Variants in G2E3 observed in about 807,000 individuals in gnomAD.
The protein encoded by G2E3 is G2/M-phase specific E3 ubiquitin protein ligase, also known as G2/M phase-specific E3 ubiquitin-protein ligase.
In G2E3, 35 loss-of-function variants were observed where a neutral mutation model predicts 92.8. That is an observed-to-expected ratio of 0.38 (90% CI 0.29 to 0.50). The LOEUF is 0.50. G2E3 is among the 20% of genes least tolerant of loss of function. The probability of loss-of-function intolerance (pLI) is 0.94; values close to 1 mark genes in which losing one functional copy is unlikely to be tolerated. For synonymous variants in G2E3, 242 were observed against 272.4 expected (o/e 0.89, Z 1.10); for missense variants, 554 against 823.8 (o/e 0.67, Z 4.01).
At chr14:30,559,482 C>T (rs1160950202) in intron 1 of G2E3, 3 of 152,196 alleles carry the variant, frequency 2.0e-5, no homozygotes, top group Non-Finnish European at 4.4e-5. Context: ...GTTGCGCACG[C>T]CAGCCAGCTC....
chr14:30,579,685 A>G (rs1026816437), intron 1 of G2E3, among the ~76,000 whole-genome samples: 4 of 152,200 alleles, frequency 2.6e-5, no homozygotes, highest in African/African-American at 9.7e-5. Context: ...TTTCACATGA[A>G]GTACCATGGT....
intron 1 of G2E3, among the ~76,000 whole-genome samples, chr14:30,562,499 C>G (rs1442809334): frequency 6.6e-6 from 1 of 152,176 alleles, no homozygotes; most frequent in Non-Finnish European, 1.5e-5. Flanking sequence ...GCGGTAACAC[C>G]AGCGTCTGGG....
chr14:30,568,600 T>C (rs942118508), intron 1 of G2E3, among the ~76,000 whole-genome samples: 1 of 152,154 alleles, frequency 6.6e-6, no homozygotes, highest in African/African-American at 2.4e-5. Context: ...GGGATTACAA[T>C]TAATATCTTA....
In G2E3 at chr14:30,609,028, A is replaced by C. The variant is rs557372056; in HGVS notation, c.1500+959A>C. ...AAGTCAGATTTTACTTTGAATGCCA[A>C]CTCTTATAACTACTATATGTTGTGT... On this transcript the variant is annotated intron_variant, in intron 12 of 14. Transcript: ENST00000206595. 3.9e-5 allele frequency among the ~76,000 whole-genome samples: 6 copies of C among 152,270 alleles called. No homozygotes were observed. In the South Asian group the frequency reaches 1.2e-3, roughly 32 times the overall value.
chr14:30,596,631 A>T (rs1048207251), intron 6 of G2E3, among the ~76,000 whole-genome samples: 10 of 152,286 alleles, frequency 6.6e-5, no homozygotes, highest in African/African-American at 2.2e-4. Flanking sequence ...GTATAGACTT[A>T]GGTACTCCTT....
At chr14:30,572,916 A>G (rs1594468109) in intron 1 of G2E3, among the ~76,000 whole-genome samples, 1 of 152,158 alleles carries the variant, frequency 6.6e-6, no homozygotes, top group South Asian at 2.1e-4. Context: ...CATACCTTCA[A>G]TGCCCCTAGT....
chr14:30,598,536 A>T lies in G2E3; in HGVS notation c.689A>T (p.Tyr230Phe). The change falls in exon 8 of 15, where the codon TAT becomes TTT. Residue 230 changes from tyrosine to phenylalanine, a missense_variant. Around this residue, in one of 3 missense-constraint regions of G2E3, gnomAD observed 397 missense variants for 560.3 expected, o/e 0.71. Transcript: ENST00000206595. ...ENAYQELLQH[Y>F]ERCDVRRCRC... ...GCTTATCAAGAGCTTCTGCAGCACTATGAGCGTTGTGATGTTCGAAGATGT... is the reference window on the plus strand; with the variant it reads ...GCTTATCAAGAGCTTCTGCAGCACTTTGAGCGTTGTGATGTTCGAAGATGT... 1 of 1,613,968 alleles carries T rather than the reference A, an allele frequency of 6.2e-7. No homozygotes were observed. Among genetic ancestry groups the T allele is most frequent in the Non-Finnish European group, 8.5e-7 (1 of 1,179,808 alleles).
intron 10 of G2E3, among the ~76,000 whole-genome samples, chr14:30,603,363 T>A (rs549180984): frequency 6.6e-6 from 1 of 152,080 alleles, no homozygotes; most frequent in African/African-American, 2.4e-5. Flanking sequence ...AATAAGTTAC[T>A]TTCAAAATCT....
At chr14:30,593,291 G>A (rs951365087) in intron 5 of G2E3, among the ~76,000 whole-genome samples, 183 bp from the exon 6 acceptor site, 2 of 152,060 alleles carry the variant, frequency 1.3e-5, no homozygotes, top group African/African-American at 4.8e-5. Context: ...AGATTTCGAA[G>A]GTCCAGCTCT....
intron 1 of G2E3, among the ~76,000 whole-genome samples, chr14:30,569,095 G>A (rs1051959214): frequency 1.3e-5 from 2 of 152,034 alleles, no homozygotes; most frequent in Non-Finnish European, 2.9e-5. Flanking sequence ...TAATATATAT[G>A]CCAAATATAT....
At chr14:30,565,009 G>A (rs1879346351) in intron 1 of G2E3, among the ~76,000 whole-genome samples, 1 of 152,132 alleles carries the variant, frequency 6.6e-6, no homozygotes. Context: ...TGGAATTGCT[G>A]GGTGATATGG....
rs768590633 is a variant in G2E3, at chr14:30,601,822, G to A, written c.805G>A (p.Ala269Thr). ...QCCGSSGTHL[A>T]CSSLRSWEQN... ...TTGTGGTTCCAGTGGCACACATTTA[G>A]CCTGCTCCTCATTACGGTCATGGGA... is the stretch of plus-strand genomic sequence containing the variant. The change falls in exon 9 of 15, where the codon GCC becomes ACC. Residue 269 changes from alanine (A) to threonine (T), a missense_variant. Transcript: ENST00000206595. 1.2e-6 allele frequency: 2 copies of A among 1,613,752 alleles called. No homozygotes were observed. Among genetic ancestry groups the A allele is most frequent in the South Asian group, 1.1e-5 (1 of 91,072 alleles).
At chr14:30,592,096 A>G (rs1881043681) in intron 4 of G2E3, among the ~76,000 whole-genome samples, 1 of 152,106 alleles carries the variant, frequency 6.6e-6, no homozygotes, top group Non-Finnish European at 1.5e-5. Flanking sequence ...GTTAGGCTAG[A>G]GATGTTTTCT....
chr14:30,614,658 C>T (rs1203210053), intron 13 of G2E3, among the ~76,000 whole-genome samples: 1 of 152,200 alleles, frequency 6.6e-6, no homozygotes, highest in East Asian at 1.9e-4. Context: ...CTCTAAAACT[C>T]ACGTCCCACT....
chr14:30,585,558 T>G (rs1197178367), intron 2 of G2E3, among the ~76,000 whole-genome samples: 1 of 152,130 alleles, frequency 6.6e-6, no homozygotes, highest in African/African-American at 2.4e-5. Context: ...TACTGTAGTT[T>G]TGTTGTAAGT....
chr14:30,586,746 C>A lies in G2E3; in HGVS notation c.66C>A (p.Asp22Glu). Residue 22 changes from aspartate to glutamate, a missense_variant, in exon 3 of 15, where the codon GAC becomes GAA. Physicochemically the swap from Asp to Glu is conservative, Grantham distance 45 (BLOSUM62 2). Transcript: ENST00000206595. Reference protein sequence around the residue: ...LACVFCRKHDDCPNKYGEKKT... With the variant: ...LACVFCRKHDECPNKYGEKKT... Reference sequence around the variant, plus strand: ...GTGTTTTCTGTCGAAAACATGATGACTGTCCTAATAAATACGGAGAAAAGA... The same window carrying A: ...GTGTTTTCTGTCGAAAACATGATGAATGTCCTAATAAATACGGAGAAAAGA... The A allele has an allele frequency of 7.0e-7, 1 of 1,423,726 alleles. No individual in the cohort carries two copies. The highest frequency in any genetic ancestry group is 9.6e-7 in the Non-Finnish European group (1 of 1,041,608). 88.2% of individuals were successfully genotyped at this position (1,423,726 alleles called of 1,614,324 possible). A position where few individuals can be genotyped will look rare whatever the true frequency, so the allele number is the denominator to read the frequency against.
At chr14:30,589,814 G>A (rs1023280217) in intron 4 of G2E3, among the ~76,000 whole-genome samples, 1 of 151,956 alleles carries the variant, frequency 6.6e-6, no homozygotes, top group East Asian at 1.9e-4. Flanking sequence ...CCACTCTGCT[G>A]TTCTCTAAAC....
chr14:30,590,872 T>G (rs903084585), intron 4 of G2E3: 1 of 322,434 alleles, frequency 3.1e-6, no homozygotes, highest in Non-Finnish European at 6.2e-6. Flanking sequence ...TGAATATCCC[T>G]TATCCAAAAT....
chr14:30,609,285 A>G (rs1326298457), intron 12 of G2E3, among the ~76,000 whole-genome samples: 3 of 151,942 alleles, frequency 2.0e-5, no homozygotes, highest in Non-Finnish European at 2.9e-5. Flanking sequence ...CGTATTTCCT[A>G]TTTATTTCTT....
Sources: gnomAD v4.1 joint callset for allele counts (sites outside exome capture counted in the v4.1 genomes callset) on GRCh38, gnomAD v4.1.1 for gene constraint, gnomAD v4.1.1 regional missense constraint, MANE v1.5 for transcripts, NCBI Gene and HGNC (gene_info 2026-07-23, HGNC 2026-07-21) for gene names.